The following CHST8 variants were observed in gnomAD, a reference collection of about 807,000 sequenced individuals.
CHST8 encodes the protein GALNAC-4-ST1.
In CHST8, 10 loss-of-function variants were observed where a neutral mutation model predicts 15.0. The observed-to-expected ratio is 0.67, with a 90% CI of 0.41 to 1.13. CHST8 has a LOEUF of 1.13. CHST8 is among the 50% of genes most tolerant of loss of function. CHST8 has a pLI of 0.00. For missense variants in CHST8, 634 were observed against 608.2 expected (o/e 1.04, Z -0.45); for synonymous variants, 259 against 256.6 (o/e 1.01, Z -0.09).
chr19:33,667,991 T>C (rs986952694), intron 2 of CHST8, 148 bp downstream of exon 2: 1 of 152,100 alleles, frequency 6.6e-6, no homozygotes, highest in African/African-American at 2.4e-5. Context: ...GGGAAAAATA[T>C]CGGCTGTTTT....
At chr19:33,747,928 C>T (rs752028766) in intron 3 of CHST8, among the ~76,000 whole-genome samples, 7 of 152,026 alleles carry the variant, frequency 4.6e-5, no homozygotes, top group African/African-American at 7.3e-5. Flanking sequence ...TGCACTTGCC[C>T]GCTGGGTATG....
chr19:33,625,103 G>C (rs1372888365), intron 1 of CHST8, among the ~76,000 whole-genome samples: 1 of 143,482 alleles, frequency 7.0e-6, no homozygotes, highest in Non-Finnish European at 1.5e-5. Context: ...TTTTTTTTTT[G>C]AGATAAAGTT....
chr19:33,763,349 G>C (rs1329921550), intron 3 of CHST8, among the ~76,000 whole-genome samples: 2 of 152,202 alleles, frequency 1.3e-5, no homozygotes, highest in Non-Finnish European at 2.9e-5. Context: ...AGAGGCCAAA[G>C]CTGGAGGAGA....
At chr19:33,683,791 A>G (rs1972929879) in intron 2 of CHST8, among the ~76,000 whole-genome samples, 2 of 152,166 alleles carry the variant, frequency 1.3e-5, no homozygotes, top group Non-Finnish European at 2.9e-5. Flanking sequence ...GCAGGTGGCA[A>G]ATGCTTTTCC....
At chr19:33,697,066 A>G (rs1249214902) in intron 3 of CHST8, among the ~76,000 whole-genome samples, 1 of 151,608 alleles carries the variant, frequency 6.6e-6, no homozygotes, top group Non-Finnish European at 1.5e-5. Context: ...GCTGGTCTCA[A>G]ACTCCTGACC....
chr19:33,709,835 T>C (rs1449693850), intron 3 of CHST8, among the ~76,000 whole-genome samples: 2 of 152,216 alleles, frequency 1.3e-5, no homozygotes, highest in Non-Finnish European at 2.9e-5. Flanking sequence ...AGACTTTTCT[T>C]TGTGAGACAT....
At chr19:33,685,624 G>A (rs1285379378) in intron 2 of CHST8, among the ~76,000 whole-genome samples, 1 of 152,152 alleles carries the variant, frequency 6.6e-6, no homozygotes, top group African/African-American at 2.4e-5. Context: ...TCTGTGATGA[G>A]GATGGGACAG....
At chr19:33,754,645 T>G (rs1332413885) in intron 3 of CHST8, among the ~76,000 whole-genome samples, 5 of 152,180 alleles carry the variant, frequency 3.3e-5, no homozygotes, top group African/African-American at 1.2e-4. Flanking sequence ...GCCCCTCAAG[T>G]GTTTGCCCAC....
intron 1 of CHST8, among the ~76,000 whole-genome samples, chr19:33,660,076 C>T (rs565700071): frequency 6.6e-6 from 1 of 152,180 alleles, no homozygotes; most frequent in African/African-American, 2.4e-5. Context: ...TCTGTGGTGG[C>T]CTGCAGGGCT....
chr19:33,679,658 AG>A (rs1972859417), intron 2 of CHST8, among the ~76,000 whole-genome samples: 1 of 152,216 alleles, frequency 6.6e-6, no homozygotes, highest in Admixed American at 6.5e-5. Context: ...GTTTTGGAAA[AG>A]CATGGCTGGG....
intron 3 of CHST8, among the ~76,000 whole-genome samples, chr19:33,726,900 C>G (rs1366663450): frequency 2.0e-5 from 3 of 151,870 alleles, no homozygotes; most frequent in East Asian, 1.9e-4. Flanking sequence ...CCTGCTCCCC[C>G]ACCTCGACCC....
chr19:33,762,555 C>T (rs1015248807), intron 3 of CHST8, among the ~76,000 whole-genome samples: 1 of 152,236 alleles, frequency 6.6e-6, no homozygotes, highest in Non-Finnish European at 1.5e-5. Flanking sequence ...ATGCAGGCTC[C>T]GCTCCTCTGC....
chr19:33,771,826 C>T (rs1974989208), intron 4 of CHST8, 131 bp from the exon 5 acceptor site: 5 of 1,123,114 alleles, frequency 4.5e-6, no homozygotes, highest in African/African-American at 1.6e-5. Context: ...AGGGGTCTCA[C>T]CTACAGAGTC....
chr19:33,673,360 G>A lies in CHST8; in HGVS notation c.-87+5517G>A, dbSNP rs113012522. ...ATGCCTGCAGTGACTTGCCTGGCAG[G>A]ATCAATTCCAGACATGAGGTGAACC... On this transcript the variant is annotated intron_variant, in intron 2 of 4. Transcript: ENST00000650847. Among the ~76,000 whole-genome samples, 772 of 152,320 alleles carry A rather than the reference G, an allele frequency of 5.1e-3. 6 individuals carry two copies. Among genetic ancestry groups the A allele is most frequent in the African/African-American group, 0.018 (738 of 41,566 alleles).
At chr19:33,748,899 G>C (rs1974361447) in intron 3 of CHST8, among the ~76,000 whole-genome samples, 1 of 152,150 alleles carries the variant, frequency 6.6e-6, no homozygotes, top group East Asian at 1.9e-4. Context: ...GAGAAGGCAG[G>C]TGAAGGCATC....
intron 3 of CHST8, among the ~76,000 whole-genome samples, chr19:33,715,849 C>T (rs1213732205): frequency 2.0e-5 from 3 of 152,170 alleles, no homozygotes; most frequent in African/African-American, 7.2e-5. Flanking sequence ...CTTCTCCAGG[C>T]AGGTACATGA....
At chr19:33,628,507 G>A (rs374277052) in intron 1 of CHST8, among the ~76,000 whole-genome samples, 9 of 152,296 alleles carry the variant, frequency 5.9e-5, no homozygotes, top group African/African-American at 1.9e-4. Context: ...TCCTGGAGCC[G>A]GGGTGGTTGA....
chr19:33,755,190 A>T lies in CHST8; in HGVS notation c.131-16223A>T, dbSNP rs1429030957. The stretch of plus-strand genomic sequence containing the variant: ...ACAGATTTTCACAGAAGCCTCTGGC[A>T]CTGGAAACCTTCTGATGCCCCTGTC... On this transcript the variant is annotated intron_variant, in intron 3 of 4. Coordinates refer to ENST00000650847, the MANE Select transcript of CHST8 (RefSeq NM_001127895.2). 2.0e-3 allele frequency among the ~76,000 whole-genome samples: 311 copies of T among 152,294 alleles called. 1 individual carries two copies. Among genetic ancestry groups the T allele is most frequent in the African/African-American group, 7.3e-3 (302 of 41,572 alleles).
intron 3 of CHST8, among the ~76,000 whole-genome samples, chr19:33,695,624 T>C (rs1412415037): frequency 6.6e-6 from 1 of 151,924 alleles, no homozygotes; most frequent in South Asian, 2.1e-4. Flanking sequence ...TGCCTTTAGG[T>C]CCCCACAGCT....
Sources: gnomAD v4.1 joint callset for allele counts (sites outside exome capture counted in the v4.1 genomes callset) on GRCh38, gnomAD v4.1.1 for gene constraint, MANE v1.5 for transcripts, NCBI Gene and HGNC (gene_info 2026-07-23, HGNC 2026-07-21) for gene names.